RANBP17: variants seen among roughly 807,000 people sequenced by gnomAD.
RANBP17 encodes the protein RAN binding protein 17.
RANBP17 carries 158 observed loss-of-function variants against 141.2 expected under a neutral mutation model. The ratio of observed to expected loss-of-function variants is 1.12; its 90% CI spans 0.98 to 1.28. RANBP17 has a LOEUF of 1.28. Ranked by LOEUF, RANBP17 falls within the 50% of genes most tolerant of loss-of-function variation. RANBP17 has a pLI of 0.00. For synonymous variants in RANBP17, 430 were observed against 450.0 expected (o/e 0.96, Z 0.56); for missense variants, 1,438 against 1,290.7 (o/e 1.11, Z -1.75).
chr5:171,246,213 C>G (rs1405367157), intron 24 of RANBP17, among the ~76,000 whole-genome samples: 1 of 152,152 alleles, frequency 6.6e-6, no homozygotes, highest in East Asian at 1.9e-4. Flanking sequence ...ACTGTTCAGA[C>G]AAACACTGGA....
chr5:171,235,286 AG>A (rs1321966001), intron 22 of RANBP17, among the ~76,000 whole-genome samples: 1 of 151,690 alleles, frequency 6.6e-6, no homozygotes, highest in African/African-American at 2.4e-5. Flanking sequence ...AATATCTAGC[AG>A]GGGAAGTAAG....
rs759246458 is a variant in RANBP17, at chr5:170,978,803, A to AAG, written c.1710+10428_1710+10429dup. ...GCTTAAATGAGTGTATACATATATA[A>AAG]AGACACTGAGCTCATATTATGATTT... On this transcript the variant is annotated intron_variant, in intron 14 of 27. Transcript: ENST00000523189. Among the ~76,000 whole-genome samples the AAG allele has an allele frequency of 1.2e-3, 109 of 89,184 alleles. 1 individual carries two copies. Among genetic ancestry groups the AAG allele is most frequent in the Non-Finnish European group, 2.7e-3 (95 of 35,696 alleles). 58.5% of individuals were successfully genotyped at this position (89,184 alleles called of 152,430 possible).
At chr5:171,156,073 A>T (rs1040421696) in intron 14 of RANBP17, among the ~76,000 whole-genome samples, 1 of 152,126 alleles carries the variant, frequency 6.6e-6, no homozygotes, top group Non-Finnish European at 1.5e-5. Context: ...TTTAAAAGCA[A>T]TTCTTATGGA....
At chr5:171,292,745 G>A (rs1207521764) in intron 25 of RANBP17, among the ~76,000 whole-genome samples, 2 of 152,240 alleles carry the variant, frequency 1.3e-5, no homozygotes, top group Non-Finnish European at 2.9e-5. Context: ...CTGTTTCACA[G>A]CCACTTGCCT....
At chr5:170,921,314 G>A (rs1454758155) in intron 11 of RANBP17, among the ~76,000 whole-genome samples, 2 of 152,184 alleles carry the variant, frequency 1.3e-5, no homozygotes, top group Admixed American at 6.5e-5. Context: ...CATATGGCTA[G>A]TCAGTTTTCC....
At chr5:171,094,251 T>C (rs1019785038) in intron 14 of RANBP17, among the ~76,000 whole-genome samples, 3 of 152,158 alleles carry the variant, frequency 2.0e-5, no homozygotes, top group African/African-American at 7.2e-5. Flanking sequence ...AACTAGTGTG[T>C]GTTTTAATTG....
intron 14 of RANBP17, among the ~76,000 whole-genome samples, chr5:171,016,803 G>A (rs946885426): frequency 2.6e-5 from 4 of 151,408 alleles, no homozygotes; most frequent in African/African-American, 2.4e-5. Flanking sequence ...AAAAAAAAGC[G>A]GGATACACGT....
intron 14 of RANBP17, among the ~76,000 whole-genome samples, chr5:171,045,226 AG>A (rs973030217): frequency 6.6e-6 from 1 of 152,098 alleles, no homozygotes; most frequent in African/African-American, 2.4e-5. Flanking sequence ...ATGAAAATAA[AG>A]GTTTGATACA....
At chr5:171,021,476 A>G (rs1429337482) in intron 14 of RANBP17, among the ~76,000 whole-genome samples, 2 of 151,966 alleles carry the variant, frequency 1.3e-5, no homozygotes. Flanking sequence ...ATTCCTTTTC[A>G]TTCTTTTTTC....
intron 14 of RANBP17, among the ~76,000 whole-genome samples, chr5:171,141,621 C>CAAAAA (rs10691735): frequency 1.4e-4 from 8 of 55,292 alleles, no homozygotes; most frequent in Non-Finnish European, 1.8e-4. Context: ...GACTCCATCT[C>CAAAAA]AAAAAAAAAA....
intron 16 of RANBP17, among the ~76,000 whole-genome samples, chr5:171,175,125 G>A (rs11949758): frequency 0.026 from 3,978 of 152,186 alleles, 175 homozygotes; most frequent in African/African-American, 0.09. Context: ...CAAAGAACAT[G>A]AACTCATCCT....
intron 14 of RANBP17, among the ~76,000 whole-genome samples, chr5:171,034,575 G>A (rs1210396849): frequency 6.6e-6 from 1 of 152,164 alleles, no homozygotes; most frequent in African/African-American, 2.4e-5. Context: ...TTCCATGCTT[G>A]CCAGAGTATA....
intron 16 of RANBP17, among the ~76,000 whole-genome samples, chr5:171,178,450 T>C (rs999065873): frequency 3.3e-5 from 5 of 152,148 alleles, no homozygotes; most frequent in Non-Finnish European, 7.4e-5. Context: ...TTCCAAGTCT[T>C]TGCTATTGTG....
chr5:171,022,690 CT>C (rs1780954122), intron 14 of RANBP17, among the ~76,000 whole-genome samples: 1 of 152,200 alleles, frequency 6.6e-6, no homozygotes, highest in African/African-American at 2.4e-5. Flanking sequence ...GGGATGCTGC[CT>C]TCTCCTGCCC....
chr5:171,191,335 C>G (rs1761616932), intron 18 of RANBP17, among the ~76,000 whole-genome samples: 1 of 151,934 alleles, frequency 6.6e-6, no homozygotes. Flanking sequence ...GGCATTTATC[C>G]TTTTTGATCC....
At chr5:170,923,327 C>G (rs189204731) in intron 11 of RANBP17, among the ~76,000 whole-genome samples, 1 of 152,266 alleles carries the variant, frequency 6.6e-6, no homozygotes, top group African/African-American at 2.4e-5. Context: ...ACATGTAGTT[C>G]TATTTCTGGA....
chr5:171,134,545 C>T (rs1757141919), intron 14 of RANBP17, among the ~76,000 whole-genome samples: 1 of 152,170 alleles, frequency 6.6e-6, no homozygotes, highest in Admixed American at 6.5e-5. Flanking sequence ...GCCCTAAGTT[C>T]TAACCCAAAC....
chr5:170,978,176 C>T (rs1777523803), intron 14 of RANBP17, among the ~76,000 whole-genome samples: 1 of 152,116 alleles, frequency 6.6e-6, no homozygotes, highest in African/African-American at 2.4e-5. Flanking sequence ...GCTCATCTGA[C>T]AAAATGGCTA....
chr5:170,980,446 A>G (rs1777682473), intron 14 of RANBP17, among the ~76,000 whole-genome samples: 1 of 152,180 alleles, frequency 6.6e-6, no homozygotes, highest in African/African-American at 2.4e-5. Context: ...TCAGAGGCCT[A>G]GGAAGAAAAA....
Sources: gnomAD v4.1 joint callset for allele counts (sites outside exome capture counted in the v4.1 genomes callset) on GRCh38, gnomAD v4.1.1 for gene constraint, MANE v1.5 for transcripts, NCBI Gene and HGNC (gene_info 2026-07-23, HGNC 2026-07-21) for gene names.